SLC24A3: variants seen among roughly 807,000 people sequenced by gnomAD.
The protein encoded by SLC24A3 is sodium/potassium/calcium exchanger 3.
A neutral mutation model predicts 75.8 loss-of-function variants in SLC24A3; 28 were observed. The ratio of observed to expected loss-of-function variants is 0.37; its 90% CI spans 0.27 to 0.51. The LOEUF (loss-of-function observed/expected upper bound fraction) is 0.51. Among genes scored for constraint, SLC24A3 ranks in the 20% least tolerant of loss-of-function variants. The pLI, the probability that SLC24A3 is intolerant of heterozygous loss-of-function variation, is 0.94. For missense variants in SLC24A3, 663 were observed against 847.8 expected, an observed-to-expected ratio of 0.78 and a Z score of 2.71; for synonymous variants, 372 against 334.1, an observed-to-expected ratio of 1.11 and a Z score of -1.24.
At chr20:19,699,384 C>CT (rs1453799933) in intron 15 of SLC24A3, among the ~76,000 whole-genome samples, 1 of 152,206 alleles carries the variant, frequency 6.6e-6, no homozygotes, top group Admixed American at 6.5e-5. Flanking sequence ...CAGGGTGAGA[C>CT]TTTTGCAGTC....
intron 2 of SLC24A3, among the ~76,000 whole-genome samples, chr20:19,412,145 G>A (rs1986753343): frequency 6.6e-6 from 1 of 152,112 alleles, no homozygotes; most frequent in African/African-American, 2.4e-5. Flanking sequence ...AGTGCATTTG[G>A]CCTGCAAATT....
At chr20:19,496,183 G>A (rs550044114) in intron 2 of SLC24A3, among the ~76,000 whole-genome samples, 8 of 152,186 alleles carry the variant, frequency 5.3e-5, no homozygotes, top group Middle Eastern at 3.4e-3. Flanking sequence ...GGCCTCACCC[G>A]CTTCTCACTG....
chr20:19,356,401 A>G (rs1306131425), intron 2 of SLC24A3, among the ~76,000 whole-genome samples: 1 of 152,222 alleles, frequency 6.6e-6, no homozygotes, highest in African/African-American at 2.4e-5. Context: ...GCCAAGTATC[A>G]GCTGCATGTT....
chr20:19,667,339 G>C (rs900140142), intron 8 of SLC24A3, among the ~76,000 whole-genome samples: 7 of 152,210 alleles, frequency 4.6e-5, no homozygotes, highest in Non-Finnish European at 1.0e-4. Context: ...GAGCACCCCA[G>C]ATCAGAGAAC....
At chr20:19,224,419 T>A (rs924820150) in intron 1 of SLC24A3, among the ~76,000 whole-genome samples, 8 of 152,206 alleles carry the variant, frequency 5.3e-5, no homozygotes, top group African/African-American at 1.9e-4. Flanking sequence ...CAGGTCAGTC[T>A]ACATTAGTAA....
chr20:19,619,505 T>C (rs1200995587), intron 6 of SLC24A3, among the ~76,000 whole-genome samples: 1 of 152,204 alleles, frequency 6.6e-6, no homozygotes, highest in Non-Finnish European at 1.5e-5. Context: ...TTCCCGTGGA[T>C]CCATAGGATC....
intron 6 of SLC24A3, among the ~76,000 whole-genome samples, chr20:19,599,995 G>A (rs561915615): frequency 1.6e-3 from 237 of 152,266 alleles, no homozygotes; most frequent in Middle Eastern, 6.8e-3. Flanking sequence ...ACATGTTGGC[G>A]TCGAAGTCCT....
At chr20:19,551,145 C>G (rs1005150036) in intron 3 of SLC24A3, among the ~76,000 whole-genome samples, 3 of 152,238 alleles carry the variant, frequency 2.0e-5, no homozygotes, top group Non-Finnish European at 2.9e-5. Flanking sequence ...GCATCAAGCC[C>G]GTTCCATCTT....
intron 2 of SLC24A3, among the ~76,000 whole-genome samples, chr20:19,382,611 C>T (rs866207523): frequency 3.3e-5 from 5 of 152,128 alleles, no homozygotes; most frequent in African/African-American, 7.2e-5. Context: ...CTGCTTGGCT[C>T]CTGTCTCTCT....
chr20:19,500,071 AGGAAATGTGT>A (rs1338371445), intron 2 of SLC24A3, among the ~76,000 whole-genome samples: 1 of 152,188 alleles, frequency 6.6e-6, no homozygotes, highest in African/African-American at 2.4e-5. Flanking sequence ...TATATTGATG[AGGAAATGTGT>A]GGTGCACACC....
chr20:19,566,091 G>C (rs751209500), intron 3 of SLC24A3, among the ~76,000 whole-genome samples: 1 of 152,136 alleles, frequency 6.6e-6, no homozygotes, highest in Non-Finnish European at 1.5e-5. Context: ...TACTGCTCTG[G>C]AACTAAGGAT....
intron 1 of SLC24A3, among the ~76,000 whole-genome samples, chr20:19,264,880 C>T (rs1983115390): frequency 6.6e-6 from 1 of 152,178 alleles, no homozygotes; most frequent in Admixed American, 6.5e-5. Context: ...CATGTCTGAG[C>T]TTCCAGAGGG....
chr20:19,425,491 T>G (rs991627277), intron 2 of SLC24A3, among the ~76,000 whole-genome samples: 16 of 152,294 alleles, frequency 1.1e-4, no homozygotes, highest in Non-Finnish European at 2.2e-4. Context: ...ATTATTAGAT[T>G]AAGGTCAAAC....
chr20:19,479,098 A>G (rs1600246307), intron 2 of SLC24A3, among the ~76,000 whole-genome samples: 3 of 152,234 alleles, frequency 2.0e-5, no homozygotes, highest in Admixed American at 6.5e-5. Context: ...GGCCCATGCC[A>G]TGCTCAGTGA....
chr20:19,529,604 G>A (rs1420974060), intron 3 of SLC24A3, among the ~76,000 whole-genome samples: 2 of 152,140 alleles, frequency 1.3e-5, no homozygotes, highest in Non-Finnish European at 2.9e-5. Context: ...CATACATGAG[G>A]ATCAAGACTG....
intron 2 of SLC24A3, among the ~76,000 whole-genome samples, chr20:19,415,950 C>A (rs1208625482): frequency 8.5e-5 from 13 of 152,190 alleles, no homozygotes; most frequent in Non-Finnish European, 1.9e-4. Flanking sequence ...ATCATGGTAG[C>A]TAAGCAAAGG....
intron 2 of SLC24A3, among the ~76,000 whole-genome samples, chr20:19,489,232 A>G (rs929654528): frequency 1.3e-5 from 2 of 152,216 alleles, no homozygotes; most frequent in African/African-American, 4.8e-5. Context: ...CACAGGGATT[A>G]TCTCAATCCC....
chr20:19,574,823 A>C (rs2031105324), intron 3 of SLC24A3, among the ~76,000 whole-genome samples: 1 of 152,224 alleles, frequency 6.6e-6, no homozygotes, highest in Admixed American at 6.5e-5. Context: ...AAAGTCACAC[A>C]GCTTGGAAGT....
intron 2 of SLC24A3, among the ~76,000 whole-genome samples, chr20:19,317,985 T>C (rs533791313): frequency 2.2e-4 from 33 of 152,338 alleles, no homozygotes; most frequent in African/African-American, 7.7e-4. Context: ...AAAGGCTTTC[T>C]TTGGAGGCCA....
Sources: allele counts gnomAD v4.1 joint callset (sites outside exome capture counted in the v4.1 genomes callset), GRCh38; gene constraint gnomAD v4.1.1; transcripts MANE v1.5; gene names NCBI Gene and HGNC (gene_info 2026-07-23, HGNC 2026-07-21).